The following KIRREL1 variants were observed in gnomAD, a reference collection of about 807,000 sequenced individuals.
The protein encoded by KIRREL1 is kin of IRRE-like protein 1.
KIRREL1 carries 25 observed loss-of-function variants against 83.3 expected under a neutral mutation model. The observed-to-expected ratio is 0.30, with a 90% CI of 0.22 to 0.42. KIRREL1 has a LOEUF of 0.42. Among genes scored for constraint, KIRREL1 ranks in the 10% least tolerant of loss-of-function variants. The probability of loss-of-function intolerance (pLI) is 1.00; values close to 1 mark genes in which losing one functional copy is unlikely to be tolerated. For synonymous variants in KIRREL1, 388 were observed against 410.4 expected, an observed-to-expected ratio of 0.95 and a Z score of 0.66; for missense variants, 812 against 1,032.3, an observed-to-expected ratio of 0.79 and a Z score of 2.92.
At chr1:158,045,975 A>G (rs1475762974) in intron 1 of KIRREL1, among the ~76,000 whole-genome samples, 3 of 152,236 alleles carry the variant, frequency 2.0e-5, no homozygotes, top group Non-Finnish European at 4.4e-5. Context: ...CCTTGAAGGA[A>G]TCACAGGACT....
chr1:158,058,199 A>T (rs1005065389), intron 1 of KIRREL1, among the ~76,000 whole-genome samples: 1 of 152,122 alleles, frequency 6.6e-6, no homozygotes, highest in African/African-American at 2.4e-5. Context: ...TTTGTCCTGC[A>T]CCACCACTGA....
chr1:158,002,043 A>G (rs1489492088), intron 1 of KIRREL1, among the ~76,000 whole-genome samples: 2 of 152,180 alleles, frequency 1.3e-5, no homozygotes, highest in Non-Finnish European at 2.9e-5. Context: ...AAAAACAGAT[A>G]ACCAAGGTTT....
intron 1 of KIRREL1, among the ~76,000 whole-genome samples, chr1:158,072,301 G>A (rs192131525): frequency 1.8e-4 from 28 of 152,204 alleles, no homozygotes; most frequent in African/African-American, 6.5e-4. Flanking sequence ...TTCACAGGCA[G>A]GACTGTGGAC....
At chr1:158,008,191 A>G (rs1170161762) in intron 1 of KIRREL1, among the ~76,000 whole-genome samples, 1 of 151,374 alleles carries the variant, frequency 6.6e-6, no homozygotes, top group Non-Finnish European at 1.5e-5. Context: ...AGAAGGGGAG[A>G]GTGGGAAGAG....
chr1:158,033,201 A>G (rs2101674757), intron 1 of KIRREL1, among the ~76,000 whole-genome samples: 1 of 152,104 alleles, frequency 6.6e-6, no homozygotes, highest in Admixed American at 6.5e-5. Flanking sequence ...CCTCCCCAGT[A>G]GCTGGGATCA....
Position 157,993,713 on chromosome 1 carries a change from G to T in KIRREL1, c.37G>T (p.Asp13Tyr). 6.7e-7 allele frequency: 1 copy of T among 1,494,096 alleles called. No individual in the cohort carries two copies. The highest frequency in any genetic ancestry group is 1.3e-5 in the South Asian group (1 of 78,084). The allele number at this position is 1,494,096 out of a possible 1,614,324, so 92.6% of individuals were successfully genotyped here. A position where few individuals can be genotyped will look rare whatever the true frequency, so the allele number is the denominator to read the frequency against. Residue 13 changes from aspartate (D) to tyrosine (Y), a missense_variant, in exon 1 of 15, where the codon GAT becomes TAT. By Grantham distance (160) the Asp-to-Tyr change is radical. Transcript: ENST00000359209. ...SLLVWILTLSDTFSQGTQTRF... is the reference protein window; with the variant it reads ...SLLVWILTLSYTFSQGTQTRF... ...CCTCGTCTGGATCCTCACTCTCTCC[G>T]ATACTTTCTCCCAAGGTAAGGGCCC... is the stretch of plus-strand genomic sequence containing the variant.
At chr1:158,074,225 A>G (rs1265139656) in intron 1 of KIRREL1, among the ~76,000 whole-genome samples, 1 of 152,162 alleles carries the variant, frequency 6.6e-6, no homozygotes, top group Admixed American at 6.5e-5. Flanking sequence ...TTGAGGAGCC[A>G]CTCATGGAGT....
Position 158,100,036 on chromosome 1 carries a change from T to C in KIRREL1, c.*4916T>C, listed in dbSNP as rs903255869. 1.3e-5 allele frequency: 2 copies of C among 152,154 alleles called. No individual in the cohort carries two copies. The highest frequency in any genetic ancestry group is 4.2e-4 in the South Asian group (2 of 4,808). 9.4% of individuals were successfully genotyped at this position (152,154 alleles called of 1,614,324 possible). A position where few individuals can be genotyped will look rare whatever the true frequency, so the allele number is the denominator to read the frequency against. On this transcript the variant is annotated 3_prime_UTR_variant, in exon 15 of 15. Coordinates refer to ENST00000359209, the MANE Select transcript of KIRREL1 (RefSeq NM_018240.7). The stretch of plus-strand genomic sequence containing the variant: ...CACCCAGACCCCAAAAATAAATGGA[T>C]CCATGATGATAATTAAGAGAAGAGA...
At chr1:158,075,190 G>T (rs1031770088) in intron 1 of KIRREL1, among the ~76,000 whole-genome samples, 1 of 152,132 alleles carries the variant, frequency 6.6e-6, no homozygotes, top group Admixed American at 6.5e-5. Context: ...AGTGGTGGGG[G>T]AGAAAAAACC....
At chr1:158,010,651 T>G (rs1659661410) in intron 1 of KIRREL1, among the ~76,000 whole-genome samples, 1 of 152,212 alleles carries the variant, frequency 6.6e-6, no homozygotes, top group South Asian at 2.1e-4. Context: ...CAGATTTCTT[T>G]CCCTGAAAGC....
At chr1:158,088,273 G>C (rs1662078622) in intron 7 of KIRREL1, 54 bp from the exon 8 acceptor site, 1 of 1,601,000 alleles carries the variant, frequency 6.2e-7, no homozygotes, top group Non-Finnish European at 8.5e-7. Flanking sequence ...AGATTGATTG[G>C]AGTTAACCCC....
intron 1 of KIRREL1, among the ~76,000 whole-genome samples, chr1:157,998,721 TAGGGTCTTAG>T (rs1007466993): frequency 5.3e-5 from 8 of 152,208 alleles, no homozygotes; most frequent in African/African-American, 1.9e-4. Flanking sequence ...GATTGGAGGC[TAGGGTCTTAG>T]ATGGCTTGTT....
chr1:158,001,588 T>G (rs1212752829), intron 1 of KIRREL1, among the ~76,000 whole-genome samples: 1 of 152,082 alleles, frequency 6.6e-6, no homozygotes, highest in Non-Finnish European at 1.5e-5. Context: ...GACTTTGCTG[T>G]GGGCTGAAGT....
chr1:158,009,555 T>TGAGG (rs1334434886), intron 1 of KIRREL1, among the ~76,000 whole-genome samples: 3 of 152,072 alleles, frequency 2.0e-5, no homozygotes, highest in African/African-American at 7.2e-5. Context: ...AACAAGTTTG[T>TGAGG]GAGGGAGGGA....
intron 1 of KIRREL1, among the ~76,000 whole-genome samples, chr1:158,052,742 C>T (rs1040270508): frequency 3.3e-5 from 5 of 151,934 alleles, no homozygotes; most frequent in Admixed American, 6.5e-5. Flanking sequence ...GCCGAGATAG[C>T]GCCACTGCAC....
intron 1 of KIRREL1, among the ~76,000 whole-genome samples, chr1:158,062,751 C>T (rs896665647): frequency 1.3e-5 from 2 of 152,260 alleles, no homozygotes; most frequent in African/African-American, 4.8e-5. Flanking sequence ...TAGGCAGCCT[C>T]TTCCTTTCTG....
chr1:158,035,485 G>A (rs1660450983), intron 1 of KIRREL1, among the ~76,000 whole-genome samples: 1 of 152,132 alleles, frequency 6.6e-6, no homozygotes, highest in African/African-American at 2.4e-5. Context: ...AGAAATCAAG[G>A]GGGAGACAAT....
intron 1 of KIRREL1, among the ~76,000 whole-genome samples, chr1:158,053,870 G>A (rs1660971508): frequency 6.6e-6 from 1 of 152,140 alleles, no homozygotes; most frequent in South Asian, 2.1e-4. Flanking sequence ...TTAGGTTTCA[G>A]AGTTCTTCCA....
At chr1:158,049,500 C>T (rs1371454187) in intron 1 of KIRREL1, among the ~76,000 whole-genome samples, 1 of 152,182 alleles carries the variant, frequency 6.6e-6, no homozygotes, top group Non-Finnish European at 1.5e-5. Flanking sequence ...AGGTAAAGTG[C>T]ACGTTGACCA....
Sources: gnomAD v4.1 joint callset for allele counts (sites outside exome capture counted in the v4.1 genomes callset) on GRCh38, gnomAD v4.1.1 for gene constraint, MANE v1.5 for transcripts, NCBI Gene and HGNC (gene_info 2026-07-23, HGNC 2026-07-21) for gene names.